Variants in PARD3 observed in about 807,000 individuals in gnomAD.
PARD3 encodes partitioning defective 3 homolog.
A neutral mutation model predicts 155.4 loss-of-function variants in PARD3; 75 were observed. The ratio of observed to expected loss-of-function variants is 0.48; its 90% confidence interval spans 0.40 to 0.58. The LOEUF (loss-of-function observed/expected upper bound fraction) is 0.58, where lower values mean the gene tolerates loss of function less well. PARD3 is among the 20% of genes least tolerant of loss of function. The pLI is 0.00. For synonymous variants in PARD3, 576 were observed against 610.5 expected (o/e 0.94, Z 0.83); for missense variants, 1,642 against 1,721.7 (o/e 0.95, Z 0.82).
intron 1 of PARD3, among the ~76,000 whole-genome samples, chr10:34,747,327 C>T (rs553653698): frequency 2.4e-4 from 36 of 152,218 alleles, no homozygotes; most frequent in Non-Finnish European, 4.7e-4. Flanking sequence ...TTGGAGAAGA[C>T]TAAGGTGGCA....
intron 2 of PARD3, among the ~76,000 whole-genome samples, chr10:34,539,367 G>A (rs1415918239): frequency 6.6e-6 from 1 of 152,138 alleles, no homozygotes; most frequent in African/African-American, 2.4e-5. Flanking sequence ...AAAAAGCAGA[G>A]TAATAAATAA....
chr10:34,127,176 C>A (rs1209124436), intron 23 of PARD3, among the ~76,000 whole-genome samples: 1 of 152,132 alleles, frequency 6.6e-6, no homozygotes, highest in Admixed American at 6.5e-5. Flanking sequence ...TTTCACTTTT[C>A]CCAATGAAAA....
At chr10:34,697,925 T>A (rs3002034) in intron 1 of PARD3, among the ~76,000 whole-genome samples, 89,470 of 151,766 alleles carry the variant, frequency 0.59, 27,744 homozygotes, top group Non-Finnish European at 0.67. Context: ...ATGTGTTGAG[T>A]CCCCAAAGAA....
rs746450270 is a variant in PARD3 at position 34,348,065 on chromosome 10, C to T, written c.2118G>A (p.Ala706=). 23 of 1,612,816 alleles carry T rather than the reference C, an allele frequency of 1.4e-5. No individual in the cohort carries two copies. Among genetic ancestry groups the T allele is most frequent in the Admixed American group, 1.3e-4 (8 of 59,848 alleles). ...AAATTCTTCGTTCTCTATCATCCAA[C>T]GCTGTTTCAATGGGCAGCTCAGGTC... is the stretch of plus-strand genomic sequence containing the variant. ...PPGPELPIET[A]LDDRERRISH... is the part of the protein sequence containing the mutation. Residue 706 remains alanine, a synonymous_variant, in exon 15 of 25, where the codon GCG becomes GCA. Coordinates refer to ENST00000374788, the MANE Select transcript of PARD3 (RefSeq NM_001184785.2).
intron 1 of PARD3, among the ~76,000 whole-genome samples, chr10:34,801,637 T>C (rs1165347887): frequency 2.0e-5 from 3 of 152,162 alleles, no homozygotes; most frequent in Non-Finnish European, 4.4e-5. Flanking sequence ...TGGGTGCCTT[T>C]AGCCAAACTA....
chr10:34,147,343 G>A (rs1442543802), intron 22 of PARD3, among the ~76,000 whole-genome samples: 1 of 152,012 alleles, frequency 6.6e-6, no homozygotes, highest in Non-Finnish European at 1.5e-5. Flanking sequence ...CTTAATACAT[G>A]ATTTTAAAAT....
At position 34,428,012 on chromosome 10, in the gene PARD3, C is replaced by A. The variant is rs191782134; in HGVS notation, c.714+22305G>T. On this transcript the variant is annotated intron_variant, in intron 5 of 24. Coordinates refer to ENST00000374788, the MANE Select transcript of PARD3 (RefSeq NM_001184785.2). ...GCAAATGCTACCTGAGAGAGAAGGCCGGTAGACCAAGGCTCTTGCAAGGTG... is the reference window on the plus strand; with the variant it reads ...GCAAATGCTACCTGAGAGAGAAGGCAGGTAGACCAAGGCTCTTGCAAGGTG... Among the ~76,000 whole-genome samples the A allele has an allele frequency of 6.9e-4, 105 of 152,068 alleles. 1 individual carries two copies. Among genetic ancestry groups the A allele is most frequent in the South Asian group, 6.7e-3 (32 of 4,812 alleles).
chr10:34,260,138 T>G (rs1241794856), intron 22 of PARD3, among the ~76,000 whole-genome samples: 1 of 151,782 alleles, frequency 6.6e-6, no homozygotes, highest in Non-Finnish European at 1.5e-5. Context: ...CCATGCCCAG[T>G]TAATTTTTAA....
At chr10:34,303,028 T>A (rs1343164523) in intron 20 of PARD3, among the ~76,000 whole-genome samples, 1 of 150,198 alleles carries the variant, frequency 6.7e-6, no homozygotes, top group Non-Finnish European at 1.5e-5. Flanking sequence ...GTTTTACCTC[T>A]CAATTACTAA....
chr10:34,417,982 T>C (rs1845831166), intron 5 of PARD3, among the ~76,000 whole-genome samples: 1 of 152,132 alleles, frequency 6.6e-6, no homozygotes, highest in Admixed American at 6.6e-5. Flanking sequence ...AAAACTTAAG[T>C]TCATAAAAAT....
chr10:34,694,662 G>C (rs181725858), intron 2 of PARD3, among the ~76,000 whole-genome samples: 2 of 151,698 alleles, frequency 1.3e-5, no homozygotes, highest in Admixed American at 6.6e-5. Context: ...AATAGAGACG[G>C]GGTTTCACCT....
chr10:34,336,910 A>G (rs1836252882), intron 17 of PARD3, among the ~76,000 whole-genome samples: 1 of 152,140 alleles, frequency 6.6e-6, no homozygotes, highest in Non-Finnish European at 1.5e-5. Context: ...TTTCTCTTCT[A>G]GTTCAAAAAT....
intron 22 of PARD3, among the ~76,000 whole-genome samples, chr10:34,139,921 C>T (rs1331104926): frequency 6.6e-6 from 1 of 152,132 alleles, no homozygotes; most frequent in African/African-American, 2.4e-5. Flanking sequence ...ACCTGCTTCC[C>T]ACTTAGATAT....
At chr10:34,647,223 A>C (rs543817884) in intron 2 of PARD3, among the ~76,000 whole-genome samples, 2 of 152,304 alleles carry the variant, frequency 1.3e-5, no homozygotes, top group African/African-American at 4.8e-5. Context: ...TATTTATTAT[A>C]AACAACAAGT....
At position 34,420,957 on chromosome 10, in the gene PARD3, G is replaced by A. The variant is rs574668892; in HGVS notation, c.715-19040C>T. 2.7e-3 allele frequency among the ~76,000 whole-genome samples: 413 copies of A among 152,260 alleles called. 2 individuals are homozygous for A. The highest frequency in any genetic ancestry group is 6.8e-3 in the Middle Eastern group (2 of 294). On this transcript the variant is annotated intron_variant, in intron 5 of 24. Coordinates refer to ENST00000374788, the MANE Select transcript of PARD3 (RefSeq NM_001184785.2). ...TTGGGAGGCCAAGGTCGGGGGGATT[G>A]CTTGAGCCCAGGAGTTTGAGACCAG...
rs184756696 is a variant in PARD3, at chr10:34,203,822, T to C, written c.3419+65835A>G. On this transcript the variant is annotated intron_variant, in intron 22 of 24. Transcript: ENST00000374788. ...CACCTGAGTTCTATTGATCTGTCAA[T>C]GCCTGGTTTTGCAACAGCAGAAGAC... is the stretch of plus-strand genomic sequence containing the variant. Among the ~76,000 whole-genome samples the C allele has an allele frequency of 1.5e-3, 223 of 152,288 alleles. 1 individual carries two copies. The highest frequency in any genetic ancestry group is 2.6e-3 in the Non-Finnish European group (179 of 68,022).
At chr10:34,447,091 G>A (rs2076778236) in intron 5 of PARD3, among the ~76,000 whole-genome samples, 1 of 152,126 alleles carries the variant, frequency 6.6e-6, no homozygotes, top group African/African-American at 2.4e-5. Context: ...TTTATTAAAA[G>A]CACTGAAAAA....
chr10:34,207,367 G>A (rs1264542349), intron 22 of PARD3, among the ~76,000 whole-genome samples: 1 of 152,158 alleles, frequency 6.6e-6, no homozygotes, highest in Non-Finnish European at 1.5e-5. Flanking sequence ...CTGAGAGATG[G>A]AGCTGATTTC....
intron 24 of PARD3, among the ~76,000 whole-genome samples, chr10:34,117,389 A>G (rs1946739078): frequency 6.6e-6 from 1 of 152,170 alleles, no homozygotes; most frequent in East Asian, 1.9e-4. Flanking sequence ...ATTCGTCCAC[A>G]CTGTCAGCTC....
Sources: gnomAD v4.1 joint callset for allele counts (sites outside exome capture counted in the v4.1 genomes callset) on GRCh38, gnomAD v4.1.1 for gene constraint, MANE v1.5 for transcripts, NCBI Gene and HGNC (gene_info 2026-07-23, HGNC 2026-07-21) for gene names.